EIF2AK1: variants seen among roughly 807,000 people sequenced by gnomAD.
EIF2AK1 encodes eukaryotic translation initiation factor 2 alpha kinase 1.
EIF2AK1 carries 54 observed loss-of-function variants against 77.9 expected under a neutral mutation model. The observed-to-expected ratio is 0.69, with a 90% CI of 0.56 to 0.87. The LOEUF (loss-of-function observed/expected upper bound fraction) is 0.87, where lower values mean the gene tolerates loss of function less well. Among genes scored for constraint, EIF2AK1 ranks in the 40% least tolerant of loss-of-function variants. The probability of loss-of-function intolerance (pLI) is 0.00; values close to 1 mark genes in which losing one functional copy is unlikely to be tolerated. For synonymous variants in EIF2AK1, 314 were observed against 290.5 expected, an observed-to-expected ratio of 1.08 and a Z score of -0.82; for missense variants, 810 against 768.6, an observed-to-expected ratio of 1.05 and a Z score of -0.64.
Position 6,022,500 on chromosome 7 carries a change from T to C in EIF2AK1, c.*2173A>G, listed in dbSNP as rs1336107071. 6.6e-6 allele frequency: 1 copy of C among 152,164 alleles called. No homozygotes were observed. The highest frequency in any genetic ancestry group is 1.5e-5 in the Non-Finnish European group (1 of 68,044). 9.4% of individuals were successfully genotyped at this position (152,164 alleles called of 1,614,324 possible). A position where few individuals can be genotyped will look rare whatever the true frequency, so the allele number is the denominator to read the frequency against. On this transcript the variant is annotated 3_prime_UTR_variant, in exon 15 of 15. Coordinates refer to ENST00000199389, the MANE Select transcript of EIF2AK1 (RefSeq NM_014413.4). The stretch of plus-strand genomic sequence containing the variant: ...GATGAGATGTGCAACATGGTTTTGA[T>C]AAGAGGCAGCAAGGGTTTAGGACAT...
rs1171968842 is a variant in EIF2AK1 at position 6,033,873 on chromosome 7, A to G, written c.1332+3551T>C. The stretch of plus-strand genomic sequence containing the variant: ...CGTGAGCCGCCGTGCCTGGCCGACA[A>G]TGGATTTTCTTGTTTATTACTCTCC... On this transcript the variant is annotated intron_variant, in intron 11 of 14. Transcript: ENST00000199389. This position sits in a 1 kb window ranked among gnomAD's most constrained non-coding sequence, Gnocchi z 4.4. 6.6e-6 allele frequency among the ~76,000 whole-genome samples: 1 copy of G among 151,814 alleles called. No individual in the cohort carries two copies. Among genetic ancestry groups the G allele is most frequent in the East Asian group, 2.0e-4 (1 of 5,116 alleles).
intron 7 of EIF2AK1, 92 bp downstream of exon 7, chr7:6,044,470 G>T (rs1052227728): frequency 5.2e-6 from 5 of 970,130 alleles, no homozygotes; most frequent in African/African-American, 3.3e-5. Flanking sequence ...TTCTCAGCTT[G>T]TGGTATGTAC....
chr7:6,026,978 A>C lies in EIF2AK1; in HGVS notation c.1531-17T>G, dbSNP rs772076349. The C allele has an allele frequency of 1.0e-5, 16 of 1,591,222 alleles. No homozygotes were observed. The highest frequency in any genetic ancestry group is 8.8e-5 in the South Asian group (8 of 90,630). On this transcript the variant is annotated splice_polypyrimidine_tract_variant and intron_variant, in intron 13 of 14. Coordinates refer to ENST00000199389, the MANE Select transcript of EIF2AK1 (RefSeq NM_014413.4). ...CATATCTGACTGGAAAAAGAAAAAAAGGGGAACTCAGTAGTGAAATACAAA... is the reference window on the plus strand; with the variant it reads ...CATATCTGACTGGAAAAAGAAAAAACGGGGAACTCAGTAGTGAAATACAAA...
Position 6,032,714 on chromosome 7 carries a change from A to T in EIF2AK1, c.1333-3682T>A. 1.5e-6 allele frequency: 1 copy of T among 681,406 alleles called. No individual in the cohort carries two copies. The highest frequency in any genetic ancestry group is 1.8e-5 in the African/African-American group (1 of 55,132). 42.2% of individuals were successfully genotyped at this position (681,406 alleles called of 1,614,324 possible). A position where few individuals can be genotyped will look rare whatever the true frequency, so the allele number is the denominator to read the frequency against. ...TAGAAAGGAAACTTTCAATGCACAT[A>T]CCAGAAAAAGAGTGAGCCAATGAGA... On this transcript the variant is annotated intron_variant, in intron 11 of 14. Coordinates refer to ENST00000199389, the MANE Select transcript of EIF2AK1 (RefSeq NM_014413.4). The surrounding 1 kb of genome is among the most constrained non-coding windows in gnomAD (Gnocchi z 4.3).
At chr7:6,044,834 G>C (rs539312060) in intron 6 of EIF2AK1, among the ~76,000 whole-genome samples, 173 bp from the exon 7 acceptor site, 1 of 152,178 alleles carries the variant, frequency 6.6e-6, no homozygotes, top group Non-Finnish European at 1.5e-5. Context: ...TGCAGTATGC[G>C]GTGCATGAGA....
rs1399267247 is a variant in EIF2AK1, at chr7:6,059,063, C to G, written c.21G>C (p.Gly7=). 6.8e-6 allele frequency: 10 copies of G among 1,465,480 alleles called. No homozygotes were observed. The East Asian group carries it at 3.0e-4, about 44-fold the overall frequency. The allele number at this position is 1,465,480 out of a possible 1,614,324, so 90.8% of individuals were successfully genotyped here. A position where few individuals can be genotyped will look rare whatever the true frequency, so the allele number is the denominator to read the frequency against. ...CGCCCTCCTCTTCGCGCTTGCGGACCCCGGAGTTGCCCCCCTGCATCGCCG... is the reference window on the plus strand; with the variant it reads ...CGCCCTCCTCTTCGCGCTTGCGGACGCCGGAGTTGCCCCCCTGCATCGCCG... MQGGNS[G]VRKREEEGDG... The change falls in exon 1 of 15, where the codon GGG becomes GGC. Residue 7 remains glycine, a synonymous_variant. Transcript: ENST00000199389.
chr7:6,023,697 C>A lies in EIF2AK1; in HGVS notation c.*976G>T. ...CCCTCAAGCTCCTTAAGTGAATTGC[C>A]GTAACTGATTTTAAAGGGTTTAGAT... On this transcript the variant is annotated 3_prime_UTR_variant, in exon 15 of 15. Coordinates refer to ENST00000199389, the MANE Select transcript of EIF2AK1 (RefSeq NM_014413.4). 6.2e-7 allele frequency: 1 copy of A among 1,613,928 alleles called. No individual in the cohort carries two copies. The highest frequency in any genetic ancestry group is 1.1e-5 in the South Asian group (1 of 91,038).
rs1788705422 is a variant in EIF2AK1 at position 6,054,844 on chromosome 7, G to A, written c.119-140C>T. Reference sequence around the variant, plus strand: ...CCAAAAGAATAGTTATGCTGAGTTGGGTTAATCAAGAAAGGCTTTCTGGAA... The same window carrying A: ...CCAAAAGAATAGTTATGCTGAGTTGAGTTAATCAAGAAAGGCTTTCTGGAA... On this transcript the variant is annotated intron_variant, in intron 1 of 14. Transcript: ENST00000199389. 7 of 892,738 alleles carry A rather than the reference G, an allele frequency of 7.8e-6. No individual in the cohort carries two copies. The East Asian group carries it at 1.6e-4, about 20-fold the overall frequency. The allele number at this position is 892,738 out of a possible 1,614,324, so 55.3% of individuals were successfully genotyped here. A position where few individuals can be genotyped will look rare whatever the true frequency, so the allele number is the denominator to read the frequency against.
rs1787982344 is a variant in EIF2AK1, at chr7:6,033,727, G to T, written c.1332+3697C>A. 6.6e-6 allele frequency among the ~76,000 whole-genome samples: 1 copy of T among 151,884 alleles called. No individual in the cohort carries two copies. The highest frequency in any genetic ancestry group is 6.6e-5 in the Admixed American group (1 of 15,248). On this transcript the variant is annotated intron_variant, in intron 11 of 14. Coordinates refer to ENST00000199389, the MANE Select transcript of EIF2AK1 (RefSeq NM_014413.4). This position sits in a 1 kb window ranked among gnomAD's most constrained non-coding sequence, Gnocchi z 4.4. The stretch of plus-strand genomic sequence containing the variant: ...TGGGACTACAGGCGCCTGCCACCAC[G>T]CCTGGCTAATTTTTTGTATTTTTAG...
At chr7:6,056,982 T>G (rs779656594) in intron 1 of EIF2AK1, among the ~76,000 whole-genome samples, 1 of 152,062 alleles carries the variant, frequency 6.6e-6, no homozygotes, top group Non-Finnish European at 1.5e-5. Context: ...CTGCTTTTGT[T>G]TCTCTTTCTG....
At chr7:6,043,951 T>C (rs535875518) in intron 7 of EIF2AK1, among the ~76,000 whole-genome samples, 3 of 149,768 alleles carry the variant, frequency 2.0e-5, no homozygotes, top group Non-Finnish European at 4.4e-5. Flanking sequence ...ATACAAAAAT[T>C]AGCCAGGCGT....
chr7:6,035,426 A>C lies in EIF2AK1; in HGVS notation c.1332+1998T>G, dbSNP rs972852550. ...CCACTGTGAATTCAGTGTAACGTGTAATCAATACCCATTCTAGGGACACGA... is the reference window on the plus strand; with the variant it reads ...CCACTGTGAATTCAGTGTAACGTGTCATCAATACCCATTCTAGGGACACGA... On this transcript the variant is annotated intron_variant, in intron 11 of 14. Transcript: ENST00000199389. The surrounding 1 kb of genome is among the most constrained non-coding windows in gnomAD (Gnocchi z 5.5). 1.3e-6 allele frequency: 2 copies of C among 1,542,954 alleles called. No individual in the cohort carries two copies. The highest frequency in any genetic ancestry group is 1.4e-5 in the African/African-American group (1 of 72,954).
At chr7:6,031,323 GAAACTGACCAA>G (rs1787904060) in intron 11 of EIF2AK1, 7 of 1,495,098 alleles carry the variant, frequency 4.7e-6, no homozygotes. Flanking sequence ...CAAAGAGACT[GAAACTGACCAA>G]TTCCATAACA....
At chr7:6,042,429 C>T (rs529654826) in intron 8 of EIF2AK1, among the ~76,000 whole-genome samples, 27 of 146,016 alleles carry the variant, frequency 1.8e-4, no homozygotes, top group East Asian at 1.6e-3. Context: ...CCAACCTGGG[C>T]GACAGAGCGA....
At chr7:6,030,092 G>C (rs1199756153) in intron 11 of EIF2AK1, among the ~76,000 whole-genome samples, 6 of 152,160 alleles carry the variant, frequency 3.9e-5, no homozygotes, top group African/African-American at 1.4e-4. Context: ...TCTAAGCACC[G>C]GCAGCCAGCC....
intron 11 of EIF2AK1, among the ~76,000 whole-genome samples, chr7:6,031,971 C>T (rs555548073): frequency 2.2e-4 from 33 of 152,240 alleles, no homozygotes; most frequent in Non-Finnish European, 3.7e-4. Flanking sequence ...GTCAGGAGTT[C>T]GAGACCAGCC....
At chr7:6,025,893 A>C (rs1179489345) in intron 14 of EIF2AK1, among the ~76,000 whole-genome samples, 1 of 151,788 alleles carries the variant, frequency 6.6e-6, no homozygotes, top group African/African-American at 2.4e-5. Flanking sequence ...TCTGCCTCCC[A>C]AAATCCCATG....
At chr7:6,026,435 C>A in intron 14 of EIF2AK1, 2 of 583,480 alleles carry the variant, frequency 3.4e-6, no homozygotes, top group East Asian at 4.2e-5. Context: ...AGTTTCCTAC[C>A]GGCCTTCGCT....
Position 6,024,728 on chromosome 7 carries a change from A to T in EIF2AK1, c.1838T>A (p.Leu613His), listed in dbSNP as rs1428081199. ...CCTCACCCCTTTGTCTTGAGAAAGGAGGTTTAGCTGCTTCTTTAGTTCTGC... is the reference window on the plus strand; with the variant it reads ...CCTCACCCCTTTGTCTTGAGAAAGGTGGTTTAGCTGCTTCTTTAGTTCTGC... Reference protein sequence around the residue: ...EIAELKKQLNLLSQDKGVRDD... With the variant: ...EIAELKKQLNHLSQDKGVRDD... The change falls in exon 15 of 15, where the codon CTC becomes CAC. Residue 613 changes from leucine (L) to histidine (H), a missense_variant. Coordinates refer to ENST00000199389, the MANE Select transcript of EIF2AK1 (RefSeq NM_014413.4). 1.2e-6 allele frequency: 2 copies of T among 1,606,582 alleles called. No individual in the cohort carries two copies. Among genetic ancestry groups the T allele is most frequent in the African/African-American group, 1.3e-5 (1 of 74,170 alleles).
Sources: allele counts gnomAD v4.1 joint callset (sites outside exome capture counted in the v4.1 genomes callset), GRCh38; gene constraint gnomAD v4.1.1; non-coding constraint Gnocchi (gnomAD v3.1); transcripts MANE v1.5; gene names NCBI Gene and HGNC (gene_info 2026-07-23, HGNC 2026-07-21).